The following C6orf52 variants were observed in gnomAD, a reference collection of about 807,000 sequenced individuals.
C6orf52 encodes chromosome 6 open reading frame 52, also known as putative uncharacterized protein C6orf52.
C6orf52 carries 16 observed loss-of-function variants against 16.6 expected under a neutral mutation model. The observed-to-expected ratio is 0.96, with a 90% CI of 0.65 to 1.46. The LOEUF is 1.46. Ranked by LOEUF, C6orf52 falls within the 40% of genes most tolerant of loss-of-function variation. The pLI is 0.00. For synonymous variants in C6orf52, 53 were observed against 61.4 expected (o/e 0.86, Z 0.64); for missense variants, 166 against 182.3 (o/e 0.91, Z 0.52).
rs1768924686 is a variant in C6orf52, at chr6:10,687,116, ACT to A, written c.118_119del (p.Ser40LeufsTer37). On this transcript the variant is annotated frameshift_variant, in exon 3 of 5. Transcript: ENST00000259983. LOFTEE classifies it high-confidence loss of function. ...GCGCATACCAGTTGCCATAGCGGTA[ACT>A]CTGGCTGGGCTGGAACTCCTGCTTC... Reference protein sequence around the residue: ...RVKQEFQPSQSYRYGNWYARQ... With the variant: ...RVKQEFQPSQXYRYGNWYARQ... The A allele has an allele frequency of 1.3e-6, 2 of 1,551,938 alleles. No individual in the cohort carries two copies. Among genetic ancestry groups the A allele is most frequent in the African/African-American group, 1.4e-5 (1 of 73,168 alleles).
At chr6:10,691,415 G>A (rs982093786) in intron 1 of C6orf52, among the ~76,000 whole-genome samples, 3 of 151,980 alleles carry the variant, frequency 2.0e-5, no homozygotes, top group African/African-American at 7.2e-5. Context: ...ACATGACTGG[G>A]GGGCTGCATG....
chr6:10,676,224 G>A (rs1291205606), intron 4 of C6orf52, among the ~76,000 whole-genome samples: 3 of 152,156 alleles, frequency 2.0e-5, no homozygotes, highest in African/African-American at 7.2e-5. Flanking sequence ...TTTTTTAAAT[G>A]TGCAAAAGAC....
intron 1 of C6orf52, among the ~76,000 whole-genome samples, chr6:10,689,251 G>A (rs1339410871): frequency 3.3e-5 from 5 of 152,220 alleles, no homozygotes; most frequent in Admixed American, 6.5e-5. Context: ...GATTACAGGC[G>A]TGAGCCACCG....
At chr6:10,690,031 T>C (rs1359532717) in intron 1 of C6orf52, among the ~76,000 whole-genome samples, 4 of 152,184 alleles carry the variant, frequency 2.6e-5, no homozygotes, top group Non-Finnish European at 5.9e-5. Context: ...ATTATGGCTA[T>C]AACCAGGTAA....
intron 4 of C6orf52, among the ~76,000 whole-genome samples, chr6:10,682,675 C>G (rs1176988640): frequency 6.6e-6 from 1 of 152,168 alleles, no homozygotes; most frequent in African/African-American, 2.4e-5. Flanking sequence ...AGAAGCAAAA[C>G]ATTTTTTCCC....
chr6:10,687,642 CAAAT>C (rs1768974047), intron 1 of C6orf52, 81 bp from the exon 2 acceptor site: 3 of 807,250 alleles, frequency 3.7e-6, no homozygotes, highest in African/African-American at 1.8e-5. Flanking sequence ...TCAATCCTGA[CAAAT>C]AAGTCTCGCA....
chr6:10,671,600 T>A lies in C6orf52; in HGVS notation c.317-2A>T. 6.5e-7 allele frequency: 1 copy of A among 1,532,682 alleles called. No homozygotes were observed. Among genetic ancestry groups the A allele is most frequent in the Non-Finnish European group, 8.8e-7 (1 of 1,137,274 alleles). 94.9% of individuals were successfully genotyped at this position (1,532,682 alleles called of 1,614,324 possible). A position where few individuals can be genotyped will look rare whatever the true frequency, so the allele number is the denominator to read the frequency against. On this transcript the variant is annotated splice_acceptor_variant, in intron 4 of 4. Transcript: ENST00000259983. LOFTEE classifies it high-confidence loss of function. ...CAATATTCAAATGAAGATGTGGATCTGCAGAAGCCAATAATGGATATGAAA... is the reference window on the plus strand; with the variant it reads ...CAATATTCAAATGAAGATGTGGATCAGCAGAAGCCAATAATGGATATGAAA...
At chr6:10,678,274 G>C (rs74367378) in intron 4 of C6orf52, among the ~76,000 whole-genome samples, 10,534 of 148,738 alleles carry the variant, frequency 0.071, 1,063 homozygotes, top group African/African-American at 0.23. Flanking sequence ...AATATTCATT[G>C]TTTTAATCCA....
chr6:10,689,427 T>C (rs1046822325), intron 1 of C6orf52, among the ~76,000 whole-genome samples: 2 of 152,228 alleles, frequency 1.3e-5, no homozygotes, highest in African/African-American at 2.4e-5. Context: ...GGAGATTTTA[T>C]TGATTAGCAA....
intron 1 of C6orf52, among the ~76,000 whole-genome samples, chr6:10,693,955 C>G (rs562976714): frequency 4.6e-5 from 7 of 152,084 alleles, no homozygotes; most frequent in Admixed American, 3.3e-4. Context: ...CTTTGTTTTC[C>G]CAACTCTCAA....
intron 4 of C6orf52, among the ~76,000 whole-genome samples, chr6:10,677,328 T>A (rs1767983001): frequency 6.6e-6 from 1 of 152,196 alleles, no homozygotes; most frequent in Non-Finnish European, 1.5e-5. Context: ...GGGCTATAAA[T>A]GTGTGGATTT....
At chr6:10,683,726 G>T (rs1768608854) in intron 3 of C6orf52, among the ~76,000 whole-genome samples, 1 of 152,214 alleles carries the variant, frequency 6.6e-6, no homozygotes, top group Non-Finnish European at 1.5e-5. Context: ...AGGTGCTCAA[G>T]AAAATGCAGA....
At chr6:10,683,163 A>T (rs1324289741) in intron 4 of C6orf52, 24 bp downstream of exon 4, 1 of 1,499,848 alleles carries the variant, frequency 6.7e-7, no homozygotes. Flanking sequence ...GTTTCCAACC[A>T]CTTCAGCACA....
At chr6:10,680,226 G>A (rs1768256888) in intron 4 of C6orf52, among the ~76,000 whole-genome samples, 1 of 151,976 alleles carries the variant, frequency 6.6e-6, no homozygotes. Flanking sequence ...CTCCAACCTG[G>A]GTGACAGAGT....
chr6:10,678,366 TA>T (rs1227863888), intron 4 of C6orf52, among the ~76,000 whole-genome samples: 1 of 152,174 alleles, frequency 6.6e-6, no homozygotes, highest in African/African-American at 2.4e-5. Flanking sequence ...TCACCTCAGT[TA>T]AATTTACTCT....
Position 10,694,600 on chromosome 6 carries a change from GCAAC to G in C6orf52, c.-122_-119del. On this transcript the variant is annotated 5_prime_UTR_variant, in exon 1 of 5. Transcript: ENST00000259983. The stretch of plus-strand genomic sequence containing the variant: ...ACGCTGCCGGCGCTACAGCCCCTAA[GCAAC>G]CGGCCGGAAGTCGGCCCCACCTCCT... The G allele has an allele frequency of 5.8e-6, 1 of 173,900 alleles. No homozygotes were observed. Among genetic ancestry groups the G allele is most frequent in the South Asian group, 1.2e-4 (1 of 8,590 alleles). The allele number at this position is 173,900 out of a possible 1,614,324, so 10.8% of individuals were successfully genotyped here. A position where few individuals can be genotyped will look rare whatever the true frequency, so the allele number is the denominator to read the frequency against.
intron 1 of C6orf52, among the ~76,000 whole-genome samples, chr6:10,689,995 CTT>C (rs1288464747): frequency 6.6e-6 from 1 of 152,102 alleles, no homozygotes; most frequent in Non-Finnish European, 1.5e-5. Flanking sequence ...TTAGGACTGA[CTT>C]TATTTTACAC....
chr6:10,676,790 G>C (rs577118336), intron 4 of C6orf52, among the ~76,000 whole-genome samples: 1 of 152,316 alleles, frequency 6.6e-6, no homozygotes, highest in East Asian at 1.9e-4. Flanking sequence ...GTCACACAGA[G>C]CTGCTCTCCT....
At chr6:10,683,400 T>C (rs979050672) in intron 3 of C6orf52, among the ~76,000 whole-genome samples, 168 bp from the exon 4 acceptor site, 1 of 152,208 alleles carries the variant, frequency 6.6e-6, no homozygotes, top group Non-Finnish European at 1.5e-5. Context: ...AAAGAATCTT[T>C]AGGTGGCATA....
Sources: allele counts gnomAD v4.1 joint callset (sites outside exome capture counted in the v4.1 genomes callset), GRCh38; gene constraint gnomAD v4.1.1; transcripts MANE v1.5; gene names NCBI Gene and HGNC (gene_info 2026-07-23, HGNC 2026-07-21).